Variants in ASB5 observed in about 807,000 individuals in gnomAD.
ASB5 encodes the protein ankyrin repeat and SOCS box protein 5.
Under a neutral mutation model 42.1 loss-of-function variants are expected in ASB5, and 45 were observed. That is an observed-to-expected ratio of 1.07 (90% CI 0.84 to 1.37). The LOEUF (loss-of-function observed/expected upper bound fraction) is 1.37. Ranked by LOEUF, ASB5 falls within the 40% of genes most tolerant of loss-of-function variation. The probability of loss-of-function intolerance (pLI) is 0.00; values close to 1 mark genes in which losing one functional copy is unlikely to be tolerated. For synonymous variants in ASB5, 147 were observed against 150.6 expected (o/e 0.98, Z 0.18); for missense variants, 402 against 399.8 (o/e 1.01, Z -0.05).
intron 4 of ASB5, 37 bp from the exon 5 acceptor site, chr4:176,221,326 C>T (rs755503780): frequency 3.1e-6 from 5 of 1,609,272 alleles, no homozygotes; most frequent in South Asian, 1.1e-5. Context: ...ACTTAATGCC[C>T]ATCCACCCCA....
intron 1 of ASB5, among the ~76,000 whole-genome samples, chr4:176,231,641 A>G (rs113816116): frequency 0.13 from 17,942 of 140,286 alleles, 1,522 homozygotes; most frequent in Admixed American, 0.2. Context: ...TGGGCAACAT[A>G]GTGAGAACTT....
At chr4:176,261,352 A>T (rs1295848990) in intron 1 of ASB5, among the ~76,000 whole-genome samples, 1 of 152,222 alleles carries the variant, frequency 6.6e-6, no homozygotes, top group African/African-American at 2.4e-5. Context: ...TTCCGTCATT[A>T]GCTAGCGACC....
At chr4:176,251,564 TAAAAAAAAAA>T (rs34392287) in intron 1 of ASB5, among the ~76,000 whole-genome samples, 8 of 10,386 alleles carry the variant, frequency 7.7e-4, no homozygotes, top group Non-Finnish European at 1.3e-3. Flanking sequence ...TCTGTCTCAT[TAAAAAAAAAA>T]AAAAAAAAAA....
chr4:176,220,809 A>C (rs1554042824), intron 5 of ASB5, among the ~76,000 whole-genome samples: 1 of 152,212 alleles, frequency 6.6e-6, no homozygotes, highest in Non-Finnish European at 1.5e-5. Flanking sequence ...AGACATATAC[A>C]TACTTGGCAA....
At chr4:176,255,472 A>C (rs530762698) in intron 1 of ASB5, among the ~76,000 whole-genome samples, 10 of 152,380 alleles carry the variant, frequency 6.6e-5, no homozygotes, top group African/African-American at 2.4e-4. Context: ...GATGCTCATC[A>C]ACAGTGGATT....
At chr4:176,226,886 A>G (rs551219141) in intron 1 of ASB5, among the ~76,000 whole-genome samples, 1 of 152,342 alleles carries the variant, frequency 6.6e-6, no homozygotes, top group East Asian at 1.9e-4. Context: ...CCGCGTCTGA[A>G]GTGAAGCATG....
At chr4:176,221,084 A>G (rs866730484) in intron 5 of ASB5, 71 bp downstream of exon 5, 5 of 1,432,294 alleles carry the variant, frequency 3.5e-6, no homozygotes, top group Middle Eastern at 1.9e-4. Context: ...ATTTTTAAAG[A>G]TGCTCATTTA....
chr4:176,216,744 A>C, intron 6 of ASB5, 74 bp downstream of exon 6: 1 of 1,291,068 alleles, frequency 7.7e-7, no homozygotes, highest in Non-Finnish European at 1.1e-6. Flanking sequence ...CATGCCAACA[A>C]AAACTCTCTC....
chr4:176,253,445 C>A (rs1754084002), intron 1 of ASB5, among the ~76,000 whole-genome samples: 1 of 152,140 alleles, frequency 6.6e-6, no homozygotes, highest in African/African-American at 2.4e-5. Flanking sequence ...TCATACTAAA[C>A]AGGCAAAAAC....
In ASB5 at chr4:176,222,364, G is replaced by T; in HGVS notation, c.333C>A (p.Cys111Ter). The T allele has an allele frequency of 6.2e-7, 1 of 1,614,054 alleles. No individual in the cohort carries two copies. The highest frequency in any genetic ancestry group is 8.5e-7 in the Non-Finnish European group (1 of 1,179,982). The change falls in exon 3 of 7, where the codon TGC becomes TGA. Residue 111 changes from cysteine (C) to a stop codon, truncating the protein, a stop_gained. Coordinates refer to ENST00000296525, the MANE Select transcript of ASB5 (RefSeq NM_080874.4). LOFTEE classifies it high-confidence loss of function. The stretch of plus-strand genomic sequence containing the variant: ...TGGCACATGCCACGTGATCTCCAAG[G>T]CAGGCTTCGTGCAATGGGGTGACAT... ...LDHVTPLHEA[C>*]LGDHVACART... is the part of the protein sequence containing the mutation.
chr4:176,243,274 GGTCT>G lies in ASB5; in HGVS notation c.197-17937_197-17934del, dbSNP rs201067437. The stretch of plus-strand genomic sequence containing the variant: ...GATGTGAAGTTCCATATATCAATTA[GGTCT>G]ATCTTTTTAAATTCTTCTACATGTT... On this transcript the variant is annotated intron_variant, in intron 1 of 6. Coordinates refer to ENST00000296525, the MANE Select transcript of ASB5 (RefSeq NM_080874.4). Among the ~76,000 whole-genome samples the G allele has an allele frequency of 7.9e-3, 864 of 109,814 alleles. 3 individuals carry two copies. Among genetic ancestry groups the G allele is most frequent in the Admixed American group, 0.013 (157 of 11,702 alleles). The allele number at this position is 109,814 out of a possible 152,430, so 72.0% of individuals were successfully genotyped here. A position where few individuals can be genotyped will look rare whatever the true frequency, so the allele number is the denominator to read the frequency against.
At chr4:176,257,803 T>C (rs1754183468) in intron 1 of ASB5, among the ~76,000 whole-genome samples, 1 of 152,152 alleles carries the variant, frequency 6.6e-6, no homozygotes, top group East Asian at 1.9e-4. Context: ...GGAAGAGGAA[T>C]CTGGGTTGGA....
At chr4:176,252,145 G>T (rs1754053916) in intron 1 of ASB5, among the ~76,000 whole-genome samples, 1 of 151,866 alleles carries the variant, frequency 6.6e-6, no homozygotes, top group Admixed American at 6.6e-5. Context: ...AGTGTGCAGG[G>T]GTGCTGTTCT....
rs1370594421 is a variant in ASB5, at chr4:176,223,778, C to T, written c.277-1358G>A. ...CTGAGAAGGCCAAGACTCCCTTTCA[C>T]ATCGGGCTCTGGGGACAGCCTCTCA... On this transcript the variant is annotated intron_variant, in intron 2 of 6. Coordinates refer to ENST00000296525, the MANE Select transcript of ASB5 (RefSeq NM_080874.4). Among the ~76,000 whole-genome samples, 45 of 152,292 alleles carry T rather than the reference C, an allele frequency of 3.0e-4. 1 individual carries two copies. Among genetic ancestry groups the T allele is most frequent in the African/African-American group, 1.2e-4 (5 of 41,554 alleles).
chr4:176,271,063 A>G (rs1754460681), upstream of ASB5, among the ~76,000 whole-genome samples: 1 of 152,206 alleles, frequency 6.6e-6, no homozygotes, highest in African/African-American at 2.4e-5. Context: ...GGCTGGAATC[A>G]TCGGTGCATT....
At position 176,222,414 on chromosome 4, in the gene ASB5, T is replaced by C. The variant is rs1232011562; in HGVS notation, c.283A>G (p.Asn95Asp). ...TGGTCTAAGGTTACTGCATTTACAT[T>C]ATAACCCTAAATGTGGCATAATTTT... Reference protein sequence around the residue: ...ALRTLLSQGYNVNAVTLDHVT... With the variant: ...ALRTLLSQGYDVNAVTLDHVT... The change falls in exon 3 of 7, where the codon AAT (asparagine) becomes GAT (aspartate). Residue 95 changes from asparagine (N) to aspartate (D), a missense_variant. Transcript: ENST00000296525. The C allele has an allele frequency of 6.2e-7, 1 of 1,611,990 alleles. No homozygotes were observed.
intron 1 of ASB5, among the ~76,000 whole-genome samples, chr4:176,255,685 G>A (rs181279594): frequency 1.3e-5 from 2 of 152,306 alleles, no homozygotes; most frequent in East Asian, 3.9e-4. Context: ...AAAGATGGCA[G>A]CAGTAGACAC....
intron 6 of ASB5, among the ~76,000 whole-genome samples, chr4:176,216,498 G>A (rs575579107): frequency 2.6e-5 from 4 of 152,090 alleles, no homozygotes; most frequent in South Asian, 4.2e-4. Flanking sequence ...TTACAGGCAC[G>A]CACCACCATG....
At chr4:176,256,635 T>C (rs2126973470) in intron 1 of ASB5, among the ~76,000 whole-genome samples, 1 of 152,302 alleles carries the variant, frequency 6.6e-6, no homozygotes, top group South Asian at 2.1e-4. Flanking sequence ...TTCTGTAAGA[T>C]ATGACAAGGA....
Sources: allele counts gnomAD v4.1 joint callset (sites outside exome capture counted in the v4.1 genomes callset), GRCh38; gene constraint gnomAD v4.1.1; transcripts MANE v1.5; gene names NCBI Gene and HGNC (gene_info 2026-07-23, HGNC 2026-07-21).